Variants in ANKRD44 observed in about 807,000 individuals in gnomAD.
ANKRD44 encodes the protein serine/threonine-protein phosphatase 6 regulatory ankyrin repeat subunit B.
ANKRD44 carries 35 observed loss-of-function variants against 116.0 expected under a neutral mutation model. The ratio of observed to expected loss-of-function variants is 0.30; its 90% confidence interval spans 0.23 to 0.40. The LOEUF (loss-of-function observed/expected upper bound fraction) is 0.40, where lower values mean the gene tolerates loss of function less well. Ranked by LOEUF, ANKRD44 falls within the 10% of genes least tolerant of loss-of-function variation. The probability of loss-of-function intolerance (pLI) is 1.00; values close to 1 mark genes in which losing one functional copy is unlikely to be tolerated. For synonymous variants in ANKRD44, 435 were observed against 461.8 expected (o/e 0.94, Z 0.74); for missense variants, 1,014 against 1,242.6 (o/e 0.82, Z 2.77).
At position 197,310,683 on chromosome 2, in the gene ANKRD44, G is replaced by T; in HGVS notation, c.-79C>A. 7.9e-7 allele frequency: 1 copy of T among 1,268,854 alleles called. No homozygotes were observed. Among genetic ancestry groups the T allele is most frequent in the South Asian group, 1.6e-5 (1 of 64,084 alleles). The allele number at this position is 1,268,854 out of a possible 1,614,324, so 78.6% of individuals were successfully genotyped here. On this transcript the variant is annotated 5_prime_UTR_variant, in exon 1 of 28. Coordinates refer to ENST00000282272, the MANE Select transcript of ANKRD44 (RefSeq NM_001195144.2). ...CGCCGGGAGCCGGGGAAGCGGAAGG[G>T]ATTGCCAGGAGAAGGGAAAAAATCT... is the stretch of plus-strand genomic sequence containing the variant.
At chr2:197,156,341 G>T (rs1450315518) in intron 2 of ANKRD44, among the ~76,000 whole-genome samples, 1 of 146,758 alleles carries the variant, frequency 6.8e-6, no homozygotes, top group Non-Finnish European at 1.5e-5. Flanking sequence ...GCGAGACTCC[G>T]TCTCAAAAAA....
chr2:197,124,016 C>A (rs752716854), intron 6 of ANKRD44, among the ~76,000 whole-genome samples: 2 of 152,248 alleles, frequency 1.3e-5, no homozygotes, highest in South Asian at 4.1e-4. Flanking sequence ...AGAGAGCAAT[C>A]GTGAAACTTT....
intron 16 of ANKRD44, among the ~76,000 whole-genome samples, chr2:197,076,796 T>C (rs2077677632): frequency 6.6e-6 from 1 of 152,166 alleles, no homozygotes; most frequent in Non-Finnish European, 1.5e-5. Flanking sequence ...AAAGATTATG[T>C]CCTCCAGCTG....
chr2:197,033,328 A>G (rs1647935766), intron 16 of ANKRD44, among the ~76,000 whole-genome samples: 2 of 152,174 alleles, frequency 1.3e-5, no homozygotes, highest in Non-Finnish European at 2.9e-5. Flanking sequence ...AATGATTACC[A>G]TGATGATGAA....
At position 197,021,588 on chromosome 2, in the gene ANKRD44, T is replaced by C. The variant is rs574508167; in HGVS notation, c.1722+3608A>G. On this transcript the variant is annotated intron_variant, in intron 17 of 27. Coordinates refer to ENST00000282272, the MANE Select transcript of ANKRD44 (RefSeq NM_001195144.2). ...ATTTTTCATGTGTCTATTGGGTACA[T>C]AAATGTCTTCTTTTGAAAAGTGTCT... Among the ~76,000 whole-genome samples the C allele has an allele frequency of 4.6e-5, 7 of 152,370 alleles. No homozygotes were observed. The South Asian group carries it at 8.3e-4, about 18-fold the overall frequency.
intron 17 of ANKRD44, chr2:197,016,065 T>G (rs1471423636): frequency 6.2e-6 from 3 of 487,310 alleles, no homozygotes; most frequent in Admixed American, 2.3e-5. Context: ...CGATGAGTTG[T>G]CAGGAGAGCT....
intron 2 of ANKRD44, among the ~76,000 whole-genome samples, chr2:197,174,694 G>T (rs541504019): frequency 3.7e-4 from 56 of 152,346 alleles, no homozygotes; most frequent in Admixed American, 2.5e-3. Flanking sequence ...CCTAGCCAGT[G>T]CTGGCACCAC....
rs2083763084 is a variant in ANKRD44, at chr2:197,297,654, A to C, written c.27+12924T>G. Among the ~76,000 whole-genome samples, 4 of 152,346 alleles carry C rather than the reference A, an allele frequency of 2.6e-5. No homozygotes were observed. The South Asian group carries it at 8.3e-4, about 32-fold the overall frequency. ...GTGCACATAGCCCAGGTCTCCAGAC[A>C]TCAACTTTAGTATTCTAAATATACA... On this transcript the variant is annotated intron_variant, in intron 1 of 27. Coordinates refer to ENST00000282272, the MANE Select transcript of ANKRD44 (RefSeq NM_001195144.2).
rs111706910 is a variant in ANKRD44 at position 197,026,047 on chromosome 2, C to CAAAAAAAAAA, written c.1651-790_1651-781dup. ...CAGAGAAGGGGGAGATAAAAAGAAA[C>CAAAAAAAAAA]AAAAAAAAAAAAAACACCTTTCTGG... On this transcript the variant is annotated intron_variant, in intron 16 of 27. Coordinates refer to ENST00000282272, the MANE Select transcript of ANKRD44 (RefSeq NM_001195144.2). Among the ~76,000 whole-genome samples the CAAAAAAAAAA allele has an allele frequency of 3.0e-4, 39 of 130,302 alleles. 1 individual carries two copies. Among genetic ancestry groups the CAAAAAAAAAA allele is most frequent in the East Asian group, 4.9e-4 (2 of 4,074 alleles). 85.5% of individuals were successfully genotyped at this position (130,302 alleles called of 152,430 possible).
At chr2:197,007,098 TAA>T (rs879920558) in intron 20 of ANKRD44, among the ~76,000 whole-genome samples, 1 of 143,128 alleles carries the variant, frequency 7.0e-6, no homozygotes, top group Non-Finnish European at 1.5e-5. Context: ...AGAGTGAGAT[TAA>T]AAAAAAAAAA....
intron 27 of ANKRD44, among the ~76,000 whole-genome samples, chr2:196,992,427 A>C (rs917044680): frequency 6.6e-6 from 1 of 152,196 alleles, no homozygotes; most frequent in Non-Finnish European, 1.5e-5. Context: ...TTTGGGATGC[A>C]GGTGCGCACC....
intron 19 of ANKRD44, 152 bp from the exon 20 acceptor site, chr2:197,008,075 A>T (rs1574263704): frequency 3.3e-6 from 2 of 614,620 alleles, no homozygotes; most frequent in East Asian, 5.6e-5. Flanking sequence ...TTGCTATACA[A>T]TATGCAGAAC....
intron 1 of ANKRD44, among the ~76,000 whole-genome samples, chr2:197,246,350 CTTTT>C (rs67655796): frequency 0.017 from 1,123 of 65,784 alleles, 9 homozygotes; most frequent in Non-Finnish European, 0.022. Flanking sequence ...CTACATCTGG[CTTTT>C]TTTTTTTTTT....
chr2:197,065,205 T>G (rs530003717), intron 16 of ANKRD44, among the ~76,000 whole-genome samples: 1 of 152,288 alleles, frequency 6.6e-6, no homozygotes, highest in East Asian at 1.9e-4. Context: ...GAATGACTAC[T>G]GGGTACATAA....
chr2:197,242,581 G>C (rs1415709412), intron 1 of ANKRD44, among the ~76,000 whole-genome samples: 2 of 152,044 alleles, frequency 1.3e-5, no homozygotes, highest in African/African-American at 2.4e-5. Context: ...ACCTCTCTAG[G>C]TTCACCTTAA....
intron 23 of ANKRD44, 46 bp downstream of exon 23, chr2:197,000,373 G>C (rs2125897315): frequency 6.8e-7 from 1 of 1,473,782 alleles, no homozygotes; most frequent in East Asian, 2.3e-5. Context: ...GCAAAGCAGA[G>C]GGTAAGATTC....
intron 9 of ANKRD44, among the ~76,000 whole-genome samples, 165 bp downstream of exon 9, chr2:197,110,601 C>T (rs568367468): frequency 6.6e-6 from 1 of 152,268 alleles, no homozygotes; most frequent in South Asian, 2.1e-4. Context: ...ATGTTGATGA[C>T]ATGTCTGATG....
At chr2:197,204,625 C>T (rs1485849241) in intron 1 of ANKRD44, among the ~76,000 whole-genome samples, 1 of 152,216 alleles carries the variant, frequency 6.6e-6, no homozygotes, top group East Asian at 1.9e-4. Flanking sequence ...GCCAGAGCTC[C>T]AGACGTTTCA....
chr2:197,075,679 A>C (rs1484531789), intron 16 of ANKRD44, among the ~76,000 whole-genome samples: 3 of 152,198 alleles, frequency 2.0e-5, no homozygotes, highest in Non-Finnish European at 4.4e-5. Flanking sequence ...ATTAAATATA[A>C]GTCTGTATAA....
Sources: gnomAD v4.1 joint callset for allele counts (sites outside exome capture counted in the v4.1 genomes callset) on GRCh38, gnomAD v4.1.1 for gene constraint, MANE v1.5 for transcripts, NCBI Gene and HGNC (gene_info 2026-07-23, HGNC 2026-07-21) for gene names.